The following SPTB variants were observed in gnomAD, a reference collection of about 807,000 sequenced individuals.
SPTB encodes the protein spectrin beta chain, erythrocytic.
A neutral mutation model predicts 256.2 loss-of-function variants in SPTB; 45 were observed. That is an observed-to-expected ratio of 0.18 (90% CI 0.14 to 0.23). The LOEUF (loss-of-function observed/expected upper bound fraction) is 0.23. SPTB is among the 10% of genes least tolerant of loss of function. SPTB has a pLI of 1.00. For missense variants in SPTB, 2,715 were observed against 3,040.4 expected, an observed-to-expected ratio of 0.89 and a Z score of 2.52; for synonymous variants, 1,231 against 1,243.1, an observed-to-expected ratio of 0.99 and a Z score of 0.21.
Position 64,777,573 on chromosome 14 carries a change from A to G in SPTB, c.4563+1584T>C, listed in dbSNP as rs760959395. On this transcript the variant is annotated intron_variant, in intron 22 of 35. Coordinates refer to ENST00000644917, the MANE Select transcript of SPTB (RefSeq NM_001355436.2). This position sits in a 1 kb window ranked among gnomAD's most constrained non-coding sequence, Gnocchi z 4.5. ...AGTGGTCCCCAAAGTGCAGTCCTGA[A>G]CCAGCAGCATCGGCATCACCTAGGA... Among the ~76,000 whole-genome samples the G allele has an allele frequency of 1.3e-4, 20 of 152,104 alleles. No homozygotes were observed. Among genetic ancestry groups the G allele is most frequent in the Non-Finnish European group, 1.9e-4 (13 of 68,030 alleles).
In SPTB at chr14:64,775,888, T is replaced by C. The variant is rs532350061; in HGVS notation, c.4564-485A>G. Among the ~76,000 whole-genome samples the C allele has an allele frequency of 1.3e-5, 2 of 152,376 alleles. No homozygotes were observed. Among genetic ancestry groups the C allele is most frequent in the South Asian group, 2.1e-4 (1 of 4,832 alleles). ...AGCTCAGGTGGGCACAGTTTTTGCC[T>C]TCCATCTAAAAGAACAGGTGACAGC... On this transcript the variant is annotated intron_variant, in intron 22 of 35. Coordinates refer to ENST00000644917, the MANE Select transcript of SPTB (RefSeq NM_001355436.2). The surrounding 1 kb of genome is among the most constrained non-coding windows in gnomAD (Gnocchi z 5.0).
chr14:64,793,143 A>C lies in SPTB; in HGVS notation c.2520T>G (p.Arg840=). The C allele has an allele frequency of 1.2e-6, 2 of 1,614,094 alleles. No homozygotes were observed. Among genetic ancestry groups the C allele is most frequent in the Non-Finnish European group, 1.7e-6 (2 of 1,180,044 alleles). Residue 840 remains arginine, a synonymous_variant, in exon 14 of 36, where the codon CGT becomes CGG. Coordinates refer to ENST00000644917, the MANE Select transcript of SPTB (RefSeq NM_001355436.2). This position sits in a 1 kb window ranked among gnomAD's most constrained non-coding sequence, Gnocchi z 7.0. ...YQQVVAQADL[R]QQRLQEALDL... ...CCAGGGCTTCCTGCAGCCTCTGCTG[A>C]CGCAGGTCCGCCTGGGCCACCACCT...
intron 15 of SPTB, 61 bp from the exon 16 acceptor site, chr14:64,787,221 A>G (rs937625707): frequency 2.7e-5 from 43 of 1,591,430 alleles, no homozygotes; most frequent in Admixed American, 1.7e-4. Flanking sequence ...TCTTCTTCCC[A>G]TAGGAGACCC....
In SPTB at chr14:64,749,013, G is replaced by A. The variant is rs182353062; in HGVS notation, c.*293C>T. 1.0e-4 allele frequency: 34 copies of A among 325,172 alleles called. No individual in the cohort carries two copies. Among genetic ancestry groups the A allele is most frequent in the African/African-American group, 7.5e-4 (33 of 43,742 alleles). 20.1% of individuals were successfully genotyped at this position (325,172 alleles called of 1,614,324 possible). A position where few individuals can be genotyped will look rare whatever the true frequency, so the allele number is the denominator to read the frequency against. ...CAGGAGGAGGGTGGGAGAGGAGGGCGTGTGCCTCAGAGAACCGTTTCCTGC... is the reference window on the plus strand; with the variant it reads ...CAGGAGGAGGGTGGGAGAGGAGGGCATGTGCCTCAGAGAACCGTTTCCTGC... On this transcript the variant is annotated 3_prime_UTR_variant, in exon 36 of 36. Transcript: ENST00000644917. The surrounding 1 kb of genome is among the most constrained non-coding windows in gnomAD (Gnocchi z 4.7).
chr14:64,783,203 AGTT>A (rs369580194), intron 19 of SPTB, among the ~76,000 whole-genome samples: 4,023 of 151,858 alleles, frequency 0.026, 186 homozygotes, highest in African/African-American at 0.092. Flanking sequence ...CACTAATAAT[AGTT>A]AATTTTTTTT....
At position 64,746,319 on chromosome 14, in the gene SPTB, G is replaced by A. The variant is rs1438632878; in HGVS notation, c.*2987C>T. The A allele has an allele frequency of 6.6e-6, 1 of 152,482 alleles. No individual in the cohort carries two copies. Among genetic ancestry groups the A allele is most frequent in the Non-Finnish European group, 1.5e-5 (1 of 68,064 alleles). The allele number at this position is 152,482 out of a possible 1,614,324, so 9.4% of individuals were successfully genotyped here. The stretch of plus-strand genomic sequence containing the variant: ...TGATTTATTAGAAAAACTAGTAAAT[G>A]GGTTTCCTCTGGTTGGTGGAAGCAC... On this transcript the variant is annotated 3_prime_UTR_variant, in exon 36 of 36. Coordinates refer to ENST00000644917, the MANE Select transcript of SPTB (RefSeq NM_001355436.2). The surrounding 1 kb of genome is among the most constrained non-coding windows in gnomAD (Gnocchi z 4.9).
At position 64,767,821 on chromosome 14, in the gene SPTB, C is replaced by G. The variant is rs929734499; in HGVS notation, c.6061G>C (p.Ala2021Pro). ...VCQFSRDASV[A>P]EAWLIAQEPY... ...TCCTGGGCAATCAGCCACGCCTCAGCCACAGAGGCATCCCTCGAGAACTGG... is the reference window on the plus strand; with the variant it reads ...TCCTGGGCAATCAGCCACGCCTCAGGCACAGAGGCATCCCTCGAGAACTGG... The change falls in exon 30 of 36, where the codon GCT becomes CCT. Residue 2021 changes from alanine (A) to proline (P), a missense_variant. This residue lies in a region of SPTB where 2,239 missense variants were observed against 2,384.4 expected (regional missense o/e 0.94). Transcript: ENST00000644917. 3.1e-6 allele frequency: 5 copies of G among 1,614,060 alleles called. No homozygotes were observed. The African/African-American group carries it at 6.7e-5, about 22-fold the overall frequency.
At chr14:64,843,881 C>T (rs190791641) in intron 1 of SPTB, among the ~76,000 whole-genome samples, 38 of 152,334 alleles carry the variant, frequency 2.5e-4, no homozygotes, top group African/African-American at 8.7e-4. Context: ...TGACTGGACT[C>T]TCTAAGCACC....
At position 64,795,102 on chromosome 14, in the gene SPTB, G is replaced by C. The variant is rs961933552; in HGVS notation, c.1644+235C>G. On this transcript the variant is annotated intron_variant, in intron 12 of 35. Coordinates refer to ENST00000644917, the MANE Select transcript of SPTB (RefSeq NM_001355436.2). The surrounding 1 kb of genome is among the most constrained non-coding windows in gnomAD (Gnocchi z 6.5). Reference sequence around the variant, plus strand: ...GGCACCGGTGCTGCCACAAACCCAAGATTTCTCGGTCACCAGGGTACCATG... The same window carrying C: ...GGCACCGGTGCTGCCACAAACCCAACATTTCTCGGTCACCAGGGTACCATG... Among the ~76,000 whole-genome samples the C allele has an allele frequency of 2.0e-5, 3 of 152,244 alleles. No homozygotes were observed. Among genetic ancestry groups the C allele is most frequent in the African/African-American group, 7.2e-5 (3 of 41,462 alleles).
intron 1 of SPTB, among the ~76,000 whole-genome samples, chr14:64,833,932 G>A (rs1180381833): frequency 6.6e-6 from 1 of 152,170 alleles, no homozygotes; most frequent in African/African-American, 2.4e-5. Context: ...GAGAAGGTTG[G>A]AAGCATAGCA....
intron 9 of SPTB, among the ~76,000 whole-genome samples, chr14:64,799,183 A>T (rs1370717625): frequency 6.6e-6 from 1 of 152,236 alleles, no homozygotes; most frequent in Non-Finnish European, 1.5e-5. Context: ...GTATGCAGGT[A>T]TGCATGTGTG....
At position 64,824,697 on chromosome 14, in the gene SPTB, A is replaced by G. The variant is rs1230800846; in HGVS notation, c.-51-1552T>C. Among the ~76,000 whole-genome samples the G allele has an allele frequency of 2.6e-5, 4 of 151,960 alleles. No homozygotes were observed. The highest frequency in any genetic ancestry group is 7.3e-5 in the African/African-American group (3 of 41,268). On this transcript the variant is annotated intron_variant, in intron 1 of 35. Transcript: ENST00000644917. The surrounding 1 kb of genome is among the most constrained non-coding windows in gnomAD (Gnocchi z 5.7). ...GCACCCACGGCACACACACAGGCTC[A>G]TATCTGACACACTGACACACACCAG...
intron 2 of SPTB, among the ~76,000 whole-genome samples, chr14:64,805,386 T>C (rs558544623): frequency 6.6e-6 from 1 of 152,318 alleles, no homozygotes; most frequent in African/African-American, 2.4e-5. Flanking sequence ...GACTACTCTG[T>C]ACTGTTGTGC....
Position 64,748,958 on chromosome 14 carries a change from TG to T in SPTB, c.*347del, listed in dbSNP as rs1238380162. 18 of 171,314 alleles carry T rather than the reference TG, an allele frequency of 1.1e-4. No homozygotes were observed. Among genetic ancestry groups the T allele is most frequent in the African/African-American group, 3.9e-4 (15 of 38,816 alleles). 10.6% of individuals were successfully genotyped at this position (171,314 alleles called of 1,614,324 possible). A position where few individuals can be genotyped will look rare whatever the true frequency, so the allele number is the denominator to read the frequency against. On this transcript the variant is annotated 3_prime_UTR_variant, in exon 36 of 36. Transcript: ENST00000644917. ...GCTCTTTTTTTTTTTTTTTTTTGGT[TG>T]GGGGTAAGGGGCCTGTGCCCCCTCG... is the stretch of plus-strand genomic sequence containing the variant.
intron 1 of SPTB, among the ~76,000 whole-genome samples, chr14:64,875,572 G>C (rs563470824): frequency 6.6e-6 from 1 of 152,314 alleles, no homozygotes; most frequent in African/African-American, 2.4e-5. Context: ...GCATCTCTGT[G>C]ATAAACCCAG....
At chr14:64,799,517 CTG>C (rs145144592) in intron 9 of SPTB, among the ~76,000 whole-genome samples, 1,782 of 152,354 alleles carry the variant, frequency 0.012, 42 homozygotes, top group African/African-American at 0.041. Context: ...GGAGAAGCCA[CTG>C]TCTTTGGTCG....
chr14:64,781,944 C>T (rs1258981423), intron 20 of SPTB, among the ~76,000 whole-genome samples: 1 of 152,162 alleles, frequency 6.6e-6, no homozygotes, highest in Non-Finnish European at 1.5e-5. Flanking sequence ...GGCCATTATC[C>T]TTAGCAAACT....
chr14:64,793,205 T>C lies in SPTB; in HGVS notation c.2458A>G (p.Thr820Ala), dbSNP rs778685523. The change falls in exon 14 of 36, where the codon ACC becomes GCC. Residue 820 changes from threonine to alanine, a missense_variant. Thr to Ala is a moderately conservative substitution (Grantham distance 58). This residue lies in a region of SPTB where 2,239 missense variants were observed against 2,384.4 expected (regional missense o/e 0.94). Transcript: ENST00000644917. The surrounding 1 kb of genome is among the most constrained non-coding windows in gnomAD (Gnocchi z 7.0). ...PEEFRDSPDV[T>A]HRLQALRELY... ...TCCCGCAGGGCCTGCAGCCGATGGG[T>C]CACATCTGGGGAATCCCGAAACTCT... 1 of 1,612,592 alleles carries C rather than the reference T, an allele frequency of 6.2e-7. No homozygotes were observed. The highest frequency in any genetic ancestry group is 8.5e-7 in the Non-Finnish European group (1 of 1,180,030).
chr14:64,786,939 G>A lies in SPTB; in HGVS notation c.3026C>T (p.Ala1009Val), dbSNP rs370871216. The A allele has an allele frequency of 1.2e-5, 20 of 1,613,494 alleles. No homozygotes were observed. The highest frequency in any genetic ancestry group is 1.6e-5 in the Non-Finnish European group (19 of 1,180,034). The change falls in exon 16 of 36, where the codon GCC becomes GTC. Residue 1009 changes from alanine (A) to valine (V), a missense_variant. Coordinates refer to ENST00000644917, the MANE Select transcript of SPTB (RefSeq NM_001355436.2). The surrounding 1 kb of genome is among the most constrained non-coding windows in gnomAD (Gnocchi z 5.6). The part of the protein sequence containing the change: ...GLERDVAAIQ[A>V]RVDALERESQ... ...CTCACGCTCCAGGGCATCCACACGGGCCTGGATGGCGGCCACGTCACGCTC... is the reference window on the plus strand; with the variant it reads ...CTCACGCTCCAGGGCATCCACACGGACCTGGATGGCGGCCACGTCACGCTC...
Sources: allele counts gnomAD v4.1 joint callset (sites outside exome capture counted in the v4.1 genomes callset), GRCh38; gene constraint gnomAD v4.1.1; regional missense constraint gnomAD v4.1.1; non-coding constraint Gnocchi (gnomAD v3.1); transcripts MANE v1.5; gene names NCBI Gene and HGNC (gene_info 2026-07-23, HGNC 2026-07-21).